Variants in POU6F2 observed in about 807,000 individuals in gnomAD.
POU6F2 encodes the protein POU class 6 homeobox 2.
POU6F2 carries 31 observed loss-of-function variants against 71.3 expected under a neutral mutation model. The ratio of observed to expected loss-of-function variants is 0.43; its 90% confidence interval spans 0.33 to 0.59. The LOEUF (loss-of-function observed/expected upper bound fraction) is 0.59, where lower values mean the gene tolerates loss of function less well. Ranked by LOEUF, POU6F2 falls within the 20% of genes least tolerant of loss-of-function variation. POU6F2 has a pLI of 0.04. For synonymous variants in POU6F2, 347 were observed against 355.7 expected, an observed-to-expected ratio of 0.98 and a Z score of 0.27; for missense variants, 783 against 856.8, an observed-to-expected ratio of 0.91 and a Z score of 1.07.
chr7:39,034,477 A>G (rs1223803620), intron 1 of POU6F2: 7 of 441,462 alleles, frequency 1.6e-5, no homozygotes, highest in Middle Eastern at 3.3e-4. Context: ...ATCTATGGAG[A>G]CAATGGCATG....
chr7:39,196,579 A>G (rs190924806), intron 2 of POU6F2, among the ~76,000 whole-genome samples: 15 of 152,152 alleles, frequency 9.9e-5, no homozygotes, highest in African/African-American at 3.4e-4. Context: ...GCCAACATGG[A>G]AAAACACTGT....
chr7:39,125,504 T>A (rs944311120), intron 2 of POU6F2, among the ~76,000 whole-genome samples: 1 of 152,160 alleles, frequency 6.6e-6, no homozygotes, highest in African/African-American at 2.4e-5. Flanking sequence ...GATTGAAGCA[T>A]ATATTCTCAG....
At chr7:39,188,786 A>G (rs1003086892) in intron 2 of POU6F2, among the ~76,000 whole-genome samples, 8 of 152,220 alleles carry the variant, frequency 5.3e-5, no homozygotes, top group Non-Finnish European at 2.9e-5. Flanking sequence ...CAGTCACATT[A>G]TCCTAAGGAT....
chr7:39,018,749 T>C (rs1331960406), intron 1 of POU6F2, among the ~76,000 whole-genome samples: 1 of 152,130 alleles, frequency 6.6e-6, no homozygotes, highest in African/African-American at 2.4e-5. Flanking sequence ...CATATAACCT[T>C]GTATCATGAA....
chr7:39,342,851 G>A (rs1321692080), intron 5 of POU6F2, among the ~76,000 whole-genome samples: 1 of 152,168 alleles, frequency 6.6e-6, no homozygotes, highest in Non-Finnish European at 1.5e-5. Context: ...TGAATTCTGT[G>A]AAAAGGATTA....
chr7:39,030,602 T>C (rs1291600447), intron 1 of POU6F2, among the ~76,000 whole-genome samples: 1 of 142,622 alleles, frequency 7.0e-6, no homozygotes, highest in East Asian at 2.2e-4. Flanking sequence ...ATTCACCTAC[T>C]GAAGGACAAT....
At chr7:39,193,083 G>A (rs906583904) in intron 2 of POU6F2, among the ~76,000 whole-genome samples, 2 of 152,164 alleles carry the variant, frequency 1.3e-5, no homozygotes, top group African/African-American at 4.8e-5. Flanking sequence ...ACTGGGACCT[G>A]AGCATCTGCC....
At chr7:39,361,812 C>T (rs1373140180) in intron 5 of POU6F2, among the ~76,000 whole-genome samples, 4 of 152,188 alleles carry the variant, frequency 2.6e-5, no homozygotes, top group African/African-American at 9.7e-5. Context: ...ATTGCAAGTT[C>T]TTGAGTCTGA....
Position 39,351,700 on chromosome 7 carries a change from C to T in POU6F2, c.972+11685C>T, listed in dbSNP as rs114025448. ...CAGATGCTGCATTTCTAACCAGCTC[C>T]AGGAATGCTGATGCAGCGGGTTGCT... On this transcript the variant is annotated intron_variant, in intron 5 of 9. Coordinates refer to ENST00000518318, the MANE Select transcript of POU6F2 (RefSeq NM_001370959.1). 9.6e-3 allele frequency among the ~76,000 whole-genome samples: 1,460 copies of T among 152,256 alleles called. 26 individuals are homozygous for T. Among genetic ancestry groups the T allele is most frequent in the African/African-American group, 0.033 (1,358 of 41,562 alleles).
intron 4 of POU6F2, among the ~76,000 whole-genome samples, chr7:39,306,826 G>A (rs1446640756): frequency 6.6e-6 from 1 of 152,202 alleles, no homozygotes; most frequent in Non-Finnish European, 1.5e-5. Context: ...GAGACCTCTG[G>A]CCAAACTGGA....
At chr7:39,291,669 TGAA>T (rs1171044343) in intron 4 of POU6F2, among the ~76,000 whole-genome samples, 23 of 152,210 alleles carry the variant, frequency 1.5e-4, no homozygotes, top group Non-Finnish European at 1.3e-4. Context: ...AGGCAGCACA[TGAA>T]GAAGAACCTC....
intron 2 of POU6F2, among the ~76,000 whole-genome samples, chr7:39,095,676 A>G (rs1447074599): frequency 6.6e-6 from 1 of 152,224 alleles, no homozygotes; most frequent in African/African-American, 2.4e-5. Flanking sequence ...GCTGGGTGAC[A>G]GAAAACTAGC....
At chr7:39,432,986 C>T (rs1788143314) in intron 6 of POU6F2, 91 bp from the exon 7 acceptor site, 4 of 1,308,162 alleles carry the variant, frequency 3.1e-6, no homozygotes, top group Admixed American at 4.1e-5. Context: ...TCCCAGGGAG[C>T]ATCCTAGAGA....
At chr7:39,073,463 A>G (rs1790930865) in intron 1 of POU6F2, among the ~76,000 whole-genome samples, 1 of 151,570 alleles carries the variant, frequency 6.6e-6, no homozygotes, top group Non-Finnish European at 1.5e-5. Flanking sequence ...AATCTTTCCA[A>G]TCACATTCTT....
chr7:39,312,849 G>T (rs555314420), intron 4 of POU6F2, among the ~76,000 whole-genome samples: 3 of 152,178 alleles, frequency 2.0e-5, no homozygotes, highest in Non-Finnish European at 4.4e-5. Flanking sequence ...TTCACTTCCC[G>T]CAGGGGACAG....
At chr7:39,011,758 T>G (rs1448965567) in intron 1 of POU6F2, among the ~76,000 whole-genome samples, 2 of 148,060 alleles carry the variant, frequency 1.4e-5, no homozygotes, top group East Asian at 2.0e-4. Context: ...GTCTGTAAAG[T>G]ATTTTATTTC....
intron 5 of POU6F2, among the ~76,000 whole-genome samples, chr7:39,352,648 T>C (rs905044027): frequency 6.6e-6 from 1 of 152,176 alleles, no homozygotes; most frequent in Non-Finnish European, 1.5e-5. Context: ...AGTGATATGT[T>C]TGTTTTCAGA....
At chr7:39,339,476 T>A (rs979752262) in intron 4 of POU6F2, among the ~76,000 whole-genome samples, 166 bp from the exon 5 acceptor site, 5 of 152,178 alleles carry the variant, frequency 3.3e-5, no homozygotes, top group Non-Finnish European at 4.4e-5. Context: ...GTGACCTTTG[T>A]TCTCCCAGTG....
chr7:38,982,894 C>T (rs1007561988), intron 1 of POU6F2, among the ~76,000 whole-genome samples: 12 of 151,964 alleles, frequency 7.9e-5, no homozygotes, highest in Admixed American at 7.9e-4. Context: ...AAGTTTCCTG[C>T]GTGTAAAATC....
Sources: allele counts gnomAD v4.1 joint callset (sites outside exome capture counted in the v4.1 genomes callset), GRCh38; gene constraint gnomAD v4.1.1; transcripts MANE v1.5; gene names NCBI Gene and HGNC (gene_info 2026-07-23, HGNC 2026-07-21).